SUPT3H: variants seen among roughly 807,000 people sequenced by gnomAD.
The protein encoded by SUPT3H is SPT3 homolog, SAGA and STAGA complex component.
In SUPT3H, 44 loss-of-function variants were observed where a neutral mutation model predicts 44.3. The ratio of observed to expected loss-of-function variants is 0.99; its 90% CI spans 0.78 to 1.28. SUPT3H has a LOEUF of 1.28. SUPT3H is among the 50% of genes most tolerant of loss of function. SUPT3H has a pLI of 0.00. For missense variants in SUPT3H, 380 were observed against 387.1 expected, an observed-to-expected ratio of 0.98 and a Z score of 0.15; for synonymous variants, 124 against 125.6, an observed-to-expected ratio of 0.99 and a Z score of 0.09.
intron 10 of SUPT3H, among the ~76,000 whole-genome samples, chr6:44,858,673 C>T (rs535600206): frequency 6.6e-6 from 1 of 152,242 alleles, no homozygotes; most frequent in Non-Finnish European, 1.5e-5. Context: ...CTAAATCTAC[C>T]CACAACTGGG....
At chr6:44,957,942 T>C (rs1775451402) in intron 7 of SUPT3H, among the ~76,000 whole-genome samples, 1 of 152,148 alleles carries the variant, frequency 6.6e-6, no homozygotes, top group Admixed American at 6.5e-5. Flanking sequence ...AAGGATGGCT[T>C]TAGAGCCTCA....
At chr6:44,938,923 G>A (rs1102212) in intron 9 of SUPT3H, among the ~76,000 whole-genome samples, 146,989 of 152,300 alleles carry the variant, frequency 0.97, 70,962 homozygotes, top group East Asian at 1. Context: ...ATGATTTTGT[G>A]TACTCAAACT....
intron 2 of SUPT3H, among the ~76,000 whole-genome samples, chr6:45,345,428 T>C (rs552443829): frequency 6.6e-6 from 1 of 152,334 alleles, no homozygotes. Context: ...TTCCATTTTT[T>C]AATCCTTTAG....
rs1231255399 is a variant in SUPT3H at position 45,241,088 on chromosome 6, G to A, written c.101+124113C>T. 2.0e-5 allele frequency among the ~76,000 whole-genome samples: 3 copies of A among 152,258 alleles called. No homozygotes were observed. In the South Asian group the frequency reaches 6.2e-4, roughly 32 times the overall value. On this transcript the variant is annotated intron_variant, in intron 2 of 10. Coordinates refer to ENST00000371459, the MANE Select transcript of SUPT3H (RefSeq NM_003599.4). ...ATTGTGCTTTTAATCTGTGTTATTT[G>A]TCTTTGTATAGTCTGCAGATGCAGA...
At chr6:44,843,779 T>C (rs773675673) in intron 10 of SUPT3H, among the ~76,000 whole-genome samples, 4 of 152,048 alleles carry the variant, frequency 2.6e-5, no homozygotes, top group Non-Finnish European at 5.9e-5. Flanking sequence ...GACAATATTG[T>C]AAAGATATTT....
rs1319185737 is a variant in SUPT3H, at chr6:45,064,981, C to T, written c.186+40941G>A. Among the ~76,000 whole-genome samples, 329 of 150,914 alleles carry T rather than the reference C, an allele frequency of 2.2e-3. 1 individual carries two copies. The highest frequency in any genetic ancestry group is 7.3e-3 in the African/African-American group (299 of 41,064). On this transcript the variant is annotated intron_variant, in intron 3 of 10. Transcript: ENST00000371459. ...GGACCTAATAGACATCTACAGAACT[C>T]TCCACCCCAAAACAACAGAATATAC...
chr6:45,117,690 T>C (rs1463392756), intron 2 of SUPT3H, among the ~76,000 whole-genome samples: 1 of 152,068 alleles, frequency 6.6e-6, no homozygotes, highest in Non-Finnish European at 1.5e-5. Context: ...TGAATAAAAC[T>C]ATAAATTAAA....
chr6:45,233,535 A>G (rs1768474687), intron 2 of SUPT3H, among the ~76,000 whole-genome samples: 1 of 152,198 alleles, frequency 6.6e-6, no homozygotes, highest in African/African-American at 2.4e-5. Flanking sequence ...TGCAGTGGCA[A>G]TGTTAACTGC....
chr6:45,002,836 C>A (rs1440913531), intron 6 of SUPT3H, among the ~76,000 whole-genome samples: 2 of 151,280 alleles, frequency 1.3e-5, no homozygotes, highest in Non-Finnish European at 2.9e-5. Context: ...ATAATTATAT[C>A]TTCAGCATGC....
At chr6:45,182,390 T>C (rs1170453231) in intron 2 of SUPT3H, among the ~76,000 whole-genome samples, 4 of 152,100 alleles carry the variant, frequency 2.6e-5, no homozygotes, top group African/African-American at 9.7e-5. Context: ...GCCCTCCAGG[T>C]AGCTGGGATT....
At chr6:45,068,586 T>C (rs2153549847) in intron 3 of SUPT3H, among the ~76,000 whole-genome samples, 1 of 152,300 alleles carries the variant, frequency 6.6e-6, no homozygotes, top group Non-Finnish European at 1.5e-5. Context: ...CATGATTTGT[T>C]TTATTCCACT....
intron 10 of SUPT3H, among the ~76,000 whole-genome samples, chr6:44,905,497 A>G (rs552455284): frequency 0.012 from 1,807 of 150,508 alleles, 44 homozygotes; most frequent in African/African-American, 0.042. Context: ...TTAGAATGGC[A>G]ATCATTAAAA....
intron 11 of SUPT3H, among the ~76,000 whole-genome samples, chr6:44,811,289 G>A (rs1007251927): frequency 5.3e-5 from 8 of 152,166 alleles, no homozygotes; most frequent in Admixed American, 2.0e-4. Flanking sequence ...AGATTAGAAG[G>A]GGTTATGGGT....
intron 2 of SUPT3H, among the ~76,000 whole-genome samples, chr6:45,176,606 T>C (rs1253306659): frequency 5.7e-4 from 81 of 142,920 alleles, no homozygotes; most frequent in South Asian, 1.1e-3. Flanking sequence ...CTCTGTAGGC[T>C]CCACCTCTGG....
intron 3 of SUPT3H, among the ~76,000 whole-genome samples, chr6:45,050,100 C>T (rs575856170): frequency 6.4e-4 from 97 of 152,198 alleles, no homozygotes; most frequent in Non-Finnish European, 1.0e-3. Context: ...TCTAGGATTC[C>T]ACCCACAAGG....
intron 2 of SUPT3H, among the ~76,000 whole-genome samples, chr6:45,237,482 A>G (rs1769399975): frequency 6.6e-6 from 1 of 152,210 alleles, no homozygotes; most frequent in Non-Finnish European, 1.5e-5. Flanking sequence ...GAGCAATTGT[A>G]CAGCCCTCAA....
chr6:45,354,745 T>A (rs935810722), intron 2 of SUPT3H, among the ~76,000 whole-genome samples: 1 of 151,994 alleles, frequency 6.6e-6, no homozygotes, highest in South Asian at 2.1e-4. Flanking sequence ...CACCCCTGTA[T>A]TCCCAGTACT....
chr6:45,155,828 A>C (rs1673178657), intron 2 of SUPT3H, among the ~76,000 whole-genome samples: 1 of 152,122 alleles, frequency 6.6e-6, no homozygotes, highest in African/African-American at 2.4e-5. Context: ...AATGGAGCTA[A>C]CTTGAAGCTA....
At chr6:45,356,174 TACA>T (rs535110310) in intron 2 of SUPT3H, among the ~76,000 whole-genome samples, 11 of 152,286 alleles carry the variant, frequency 7.2e-5, no homozygotes, top group South Asian at 6.2e-4. Flanking sequence ...TTCTAATGAC[TACA>T]ACAACATTTT....
Sources: allele counts gnomAD v4.1 joint callset (sites outside exome capture counted in the v4.1 genomes callset), GRCh38; gene constraint gnomAD v4.1.1; transcripts MANE v1.5; gene names NCBI Gene and HGNC (gene_info 2026-07-23, HGNC 2026-07-21).